Variants in PCSK5 observed in about 807,000 individuals in gnomAD.
The protein encoded by PCSK5 is prohormone convertase 5.
In PCSK5, 129 loss-of-function variants were observed where a neutral mutation model predicts 233.2. The observed-to-expected ratio is 0.55, with a 90% CI of 0.48 to 0.64. PCSK5 has a LOEUF of 0.64. Ranked by LOEUF, PCSK5 falls within the 30% of genes least tolerant of loss-of-function variation. The probability of loss-of-function intolerance (pLI) is 0.00; values close to 1 mark genes in which losing one functional copy is unlikely to be tolerated. For missense variants in PCSK5, 2,076 were observed against 2,430.1 expected (o/e 0.85, Z 3.06); for synonymous variants, 825 against 879.2 (o/e 0.94, Z 1.09).
At chr9:76,182,997 G>A (rs1222478570) in intron 16 of PCSK5, among the ~76,000 whole-genome samples, 1 of 152,194 alleles carries the variant, frequency 6.6e-6, no homozygotes, top group Non-Finnish European at 1.5e-5. Context: ...AGGGCAGTGG[G>A]TAAGGACTCT....
Position 76,188,606 on chromosome 9 carries a change from T to C in PCSK5, c.2311T>C (p.Cys771Arg). 1 of 1,613,754 alleles carries C rather than the reference T, an allele frequency of 6.2e-7. No individual in the cohort carries two copies. The highest frequency in any genetic ancestry group is 8.5e-7 in the Non-Finnish European group (1 of 1,179,716). Reference protein sequence around the residue: ...SLQGSRCSVSCEDGRYFNGQD... With the variant: ...SLQGSRCSVSREDGRYFNGQD... ...GCAGGGATCCCGGTGCTCTGTCTCC[T>C]GTGAAGATGGACGGTATTTCAACGG... The change falls in exon 18 of 38, where the codon TGT becomes CGT. Residue 771 changes from cysteine to arginine, a missense_variant. This residue lies in a region of PCSK5 where 1,510 missense variants were observed against 1,538.1 expected (regional missense o/e 0.98). Transcript: ENST00000674117.
chr9:75,899,424 A>T (rs1033909581), intron 1 of PCSK5, among the ~76,000 whole-genome samples: 1 of 152,148 alleles, frequency 6.6e-6, no homozygotes, highest in African/African-American at 2.4e-5. Context: ...TCAATAAACA[A>T]CACAGTATTA....
At chr9:76,092,456 G>C (rs533856032) in intron 7 of PCSK5, among the ~76,000 whole-genome samples, 1 of 152,054 alleles carries the variant, frequency 6.6e-6, no homozygotes, top group Non-Finnish European at 1.5e-5. Context: ...GGAGTGCAGT[G>C]GTGTGAGCAT....
intron 3 of PCSK5, among the ~76,000 whole-genome samples, chr9:76,015,799 T>G (rs1241258880): frequency 6.6e-6 from 1 of 152,206 alleles, no homozygotes; most frequent in Non-Finnish European, 1.5e-5. Flanking sequence ...CCAACTTCCC[T>G]TAGATTGATA....
chr9:76,112,571 T>C (rs1475127819), intron 9 of PCSK5, among the ~76,000 whole-genome samples: 2 of 152,148 alleles, frequency 1.3e-5, no homozygotes, highest in East Asian at 3.8e-4. Flanking sequence ...TTCCCTCCTA[T>C]TGCAAATTAA....
chr9:75,949,093 G>A (rs78852681), intron 2 of PCSK5, among the ~76,000 whole-genome samples: 89 of 148,834 alleles, frequency 6.0e-4, no homozygotes, highest in African/African-American at 2.2e-3. Context: ...TTTGTATCTA[G>A]GATGCTAGAT....
chr9:76,313,015 T>C (rs947058566), intron 30 of PCSK5, among the ~76,000 whole-genome samples: 1 of 152,118 alleles, frequency 6.6e-6, no homozygotes, highest in Non-Finnish European at 1.5e-5. Flanking sequence ...ATTTTTTGAA[T>C]GCTTGCAACG....
chr9:76,052,583 C>T (rs1262911455), intron 5 of PCSK5, among the ~76,000 whole-genome samples: 2 of 152,150 alleles, frequency 1.3e-5, no homozygotes, highest in African/African-American at 2.4e-5. Context: ...TCCCACGATG[C>T]GTGGGGATTA....
At chr9:75,912,083 G>T (rs565901274) in intron 1 of PCSK5, among the ~76,000 whole-genome samples, 1 of 151,420 alleles carries the variant, frequency 6.6e-6, no homozygotes, top group South Asian at 2.1e-4. Flanking sequence ...CAGGAAAGGA[G>T]AAAAGGAGAA....
Position 75,891,170 on chromosome 9 carries a change from GGC to G in PCSK5, c.-9_-8del. The G allele has an allele frequency of 6.9e-7, 1 of 1,457,024 alleles. No individual in the cohort carries two copies. Among genetic ancestry groups the G allele is most frequent in the Non-Finnish European group, 9.0e-7 (1 of 1,112,860 alleles). 90.3% of individuals were successfully genotyped at this position (1,457,024 alleles called of 1,614,324 possible). ...CAGCCAGCGAGCGAGGGAGCAGCGA[GGC>G]GCCGGGACCATGGGCTGGGGGAGCC... On this transcript the variant is annotated 5_prime_UTR_variant, in exon 1 of 38. Coordinates refer to ENST00000674117, the MANE Select transcript of PCSK5 (RefSeq NM_001372043.1).
At chr9:76,271,501 T>G (rs1165459636) in intron 24 of PCSK5, among the ~76,000 whole-genome samples, 1 of 152,186 alleles carries the variant, frequency 6.6e-6, no homozygotes, top group Non-Finnish European at 1.5e-5. Context: ...AAATGTAAGT[T>G]ACATTTTAGT....
At chr9:76,326,446 T>A (rs1184804429) in intron 32 of PCSK5, among the ~76,000 whole-genome samples, 1 of 151,950 alleles carries the variant, frequency 6.6e-6, no homozygotes, top group African/African-American at 2.4e-5. Flanking sequence ...GGACTTTGGA[T>A]CCATTCCAAT....
intron 24 of PCSK5, among the ~76,000 whole-genome samples, chr9:76,253,317 A>G (rs1826873413): frequency 6.6e-6 from 1 of 152,116 alleles, no homozygotes; most frequent in South Asian, 2.1e-4. Flanking sequence ...ATGCAATGTC[A>G]ATAGTCTTCT....
chr9:75,911,033 G>A (rs1035857874), intron 1 of PCSK5, among the ~76,000 whole-genome samples: 5 of 152,164 alleles, frequency 3.3e-5, no homozygotes, highest in South Asian at 2.1e-4. Context: ...TTGGTTTGCC[G>A]ATTTGCGATC....
chr9:76,059,276 T>C (rs2131576697), intron 5 of PCSK5, among the ~76,000 whole-genome samples: 1 of 152,326 alleles, frequency 6.6e-6, no homozygotes, highest in East Asian at 1.9e-4. Context: ...GTCAGATAGA[T>C]AGATGGCAAA....
chr9:76,249,939 T>C (rs1195154203), intron 24 of PCSK5, among the ~76,000 whole-genome samples: 2 of 152,136 alleles, frequency 1.3e-5, no homozygotes, highest in Non-Finnish European at 2.9e-5. Flanking sequence ...AAATGGTGGA[T>C]AAGTAAATAG....
chr9:76,180,003 CT>C (rs112435943), intron 15 of PCSK5, among the ~76,000 whole-genome samples: 43 of 135,940 alleles, frequency 3.2e-4, no homozygotes, highest in Non-Finnish European at 4.6e-4. Context: ...CCAGACCTTT[CT>C]TTTTTTTTTT....
intron 7 of PCSK5, among the ~76,000 whole-genome samples, chr9:76,094,798 T>G (rs1242936084): frequency 6.6e-6 from 1 of 152,026 alleles, no homozygotes; most frequent in Non-Finnish European, 1.5e-5. Context: ...TCAGTAGAGA[T>G]AGAGTTTCCC....
intron 7 of PCSK5, among the ~76,000 whole-genome samples, chr9:76,081,132 CTTA>C (rs924750094): frequency 1.3e-5 from 2 of 152,106 alleles, no homozygotes; most frequent in African/African-American, 4.8e-5. Flanking sequence ...AGAAACACCA[CTTA>C]TTATATGCTC....
Sources: allele counts gnomAD v4.1 joint callset (sites outside exome capture counted in the v4.1 genomes callset), GRCh38; gene constraint gnomAD v4.1.1; regional missense constraint gnomAD v4.1.1; transcripts MANE v1.5; gene names NCBI Gene and HGNC (gene_info 2026-07-23, HGNC 2026-07-21).